TYW1B: variants seen among roughly 807,000 people sequenced by gnomAD.
TYW1B encodes the protein tRNA-yW synthesizing protein 1 homolog B.
In TYW1B, 73 loss-of-function variants were observed where a neutral mutation model predicts 86.9. That is an observed-to-expected ratio of 0.84 (90% confidence interval 0.70 to 1.02). The LOEUF (loss-of-function observed/expected upper bound fraction) is 1.02. TYW1B is among the 50% of genes least tolerant of loss of function. TYW1B has a pLI of 0.00. For synonymous variants in TYW1B, 248 were observed against 292.8 expected, an observed-to-expected ratio of 0.85 and a Z score of 1.56; for missense variants, 637 against 827.4, an observed-to-expected ratio of 0.77 and a Z score of 2.82.
intron 13 of TYW1B, among the ~76,000 whole-genome samples, chr7:72,582,310 T>C (rs1173073153): frequency 1.3e-5 from 2 of 151,962 alleles, no homozygotes; most frequent in African/African-American, 4.8e-5. Context: ...TTCAAAACAA[T>C]GGAGACAAAG....
intron 13 of TYW1B, among the ~76,000 whole-genome samples, chr7:72,577,963 C>T (rs1811064317): frequency 6.6e-6 from 1 of 152,180 alleles, no homozygotes; most frequent in Non-Finnish European, 1.5e-5. Context: ...CACAGGACCT[C>T]ACTGTCCTGA....
At chr7:72,692,203 C>A (rs2129570214) in intron 11 of TYW1B, among the ~76,000 whole-genome samples, 1 of 41,904 alleles carries the variant, frequency 2.4e-5, no homozygotes, top group Non-Finnish European at 4.4e-5. Context: ...GAGACTCCAT[C>A]TCAAAAAAAA....
chr7:72,593,820 T>TAAAAAAAAAAAA, intron 13 of TYW1B, among the ~76,000 whole-genome samples: 1 of 43,694 alleles, frequency 2.3e-5, no homozygotes, highest in Non-Finnish European at 4.0e-5. Context: ...AGACTCCATC[T>TAAAAAAAAAAAA]AAAAAAAAAA....
At chr7:72,666,321 G>A (rs1467833891) in intron 11 of TYW1B, among the ~76,000 whole-genome samples, 2 of 152,096 alleles carry the variant, frequency 1.3e-5, no homozygotes, top group African/African-American at 4.8e-5. Flanking sequence ...AACTATTTGG[G>A]AGGCTGAGGT....
intron 8 of TYW1B, among the ~76,000 whole-genome samples, chr7:72,737,968 G>A (rs1172305515): frequency 6.6e-6 from 1 of 151,606 alleles, no homozygotes; most frequent in African/African-American, 2.4e-5. Flanking sequence ...TGGAGACGGA[G>A]TTTCACCGTG....
chr7:72,777,028 A>C (rs1174824335), intron 7 of TYW1B, among the ~76,000 whole-genome samples: 19 of 151,940 alleles, frequency 1.3e-4, no homozygotes, highest in African/African-American at 2.4e-4. Flanking sequence ...AATATTATTA[A>C]TCATTCATGC....
intron 11 of TYW1B, among the ~76,000 whole-genome samples, chr7:72,677,259 C>A (rs564877115): frequency 1.3e-5 from 2 of 152,136 alleles, no homozygotes; most frequent in South Asian, 4.1e-4. Flanking sequence ...ACTGATCCTC[C>A]ACCTCAGCCT....
At chr7:72,581,925 G>A (rs1306211761) in intron 13 of TYW1B, among the ~76,000 whole-genome samples, 4 of 151,432 alleles carry the variant, frequency 2.6e-5, no homozygotes, top group Non-Finnish European at 5.9e-5. Flanking sequence ...ACGCCACCAC[G>A]CCCGGCTAAT....
intron 6 of TYW1B, among the ~76,000 whole-genome samples, chr7:72,791,413 CAA>C (rs782341439): frequency 0.1 from 14,325 of 139,522 alleles, 765 homozygotes; most frequent in African/African-American, 0.14. Flanking sequence ...TGCTAAACCT[CAA>C]AAAAAAAAAA....
At chr7:72,689,234 C>T (rs1342923192) in intron 11 of TYW1B, among the ~76,000 whole-genome samples, 17 of 151,976 alleles carry the variant, frequency 1.1e-4, no homozygotes, top group African/African-American at 3.9e-4. Flanking sequence ...GAAACGGAGA[C>T]GAGCTCATCC....
intron 13 of TYW1B, among the ~76,000 whole-genome samples, chr7:72,587,875 G>A (rs1167867239): frequency 6.6e-6 from 1 of 152,136 alleles, no homozygotes; most frequent in Non-Finnish European, 1.5e-5. Context: ...GGACAGCTTG[G>A]GGGTTAGAAG....
chr7:72,818,539 A>T (rs1788767531), intron 2 of TYW1B, among the ~76,000 whole-genome samples: 1 of 139,940 alleles, frequency 7.1e-6, no homozygotes, highest in Non-Finnish European at 1.5e-5. Flanking sequence ...AGACCACACC[A>T]CTGTACTCCA....
At chr7:72,602,314 G>A (rs1811685405) in intron 13 of TYW1B, among the ~76,000 whole-genome samples, 1 of 152,156 alleles carries the variant, frequency 6.6e-6, no homozygotes, top group Non-Finnish European at 1.5e-5. Flanking sequence ...GAGGGTGGGA[G>A]CCAGGTCTCT....
At chr7:72,638,865 C>T (rs1158410443) in intron 11 of TYW1B, among the ~76,000 whole-genome samples, 5 of 152,142 alleles carry the variant, frequency 3.3e-5, no homozygotes, top group African/African-American at 9.7e-5. Flanking sequence ...CTGAATATAT[C>T]GTCAATCGAG....
chr7:72,612,425 CAAT>C (rs1345330206), intron 13 of TYW1B, among the ~76,000 whole-genome samples: 2 of 152,144 alleles, frequency 1.3e-5, no homozygotes, highest in Non-Finnish European at 2.9e-5. Flanking sequence ...ATTTTACAAT[CAAT>C]AAAACATTTT....
intron 7 of TYW1B, among the ~76,000 whole-genome samples, chr7:72,773,125 A>G (rs1330914775): frequency 6.6e-6 from 1 of 152,180 alleles, no homozygotes; most frequent in Non-Finnish European, 1.5e-5. Context: ...TTAACTCTTT[A>G]TATTTTTCTC....
chr7:72,759,235 T>C (rs1787647392), intron 7 of TYW1B, among the ~76,000 whole-genome samples: 1 of 152,018 alleles, frequency 6.6e-6, no homozygotes, highest in African/African-American at 2.4e-5. Context: ...CTCGGGAGGC[T>C]CAGGTGTGAA....
At position 72,729,902 on chromosome 7, in the gene TYW1B, C is replaced by T. The variant is rs568192386; in HGVS notation, c.1083-971G>A. On this transcript the variant is annotated intron_variant, in intron 8 of 13. Coordinates refer to ENST00000620995, the MANE Select transcript of TYW1B (RefSeq NM_001145440.3). ...CAACACCGACCCTAGCAAAGCCATG[C>T]CACTGCCTCCACAAACACCCACAGT... 7.9e-5 allele frequency among the ~76,000 whole-genome samples: 12 copies of T among 152,274 alleles called. No homozygotes were observed. In the East Asian group the frequency reaches 2.3e-3, roughly 29 times the overall value.
chr7:72,687,270 T>C (rs1180644256), intron 11 of TYW1B, among the ~76,000 whole-genome samples: 4 of 152,102 alleles, frequency 2.6e-5, no homozygotes, highest in African/African-American at 7.2e-5. Context: ...ACCCCATCTC[T>C]ACTAAAAATA....
Sources: allele counts gnomAD v4.1 joint callset (sites outside exome capture counted in the v4.1 genomes callset), GRCh38; gene constraint gnomAD v4.1.1; transcripts MANE v1.5; gene names NCBI Gene and HGNC (gene_info 2026-07-23, HGNC 2026-07-21).